MDN1: variants seen among roughly 807,000 people sequenced by gnomAD.
The protein encoded by MDN1 is midasin AAA ATPase 1.
A neutral mutation model predicts 669.2 loss-of-function variants in MDN1; 266 were observed. The ratio of observed to expected loss-of-function variants is 0.40; its 90% CI spans 0.36 to 0.44. The LOEUF (loss-of-function observed/expected upper bound fraction) is 0.44, where lower values mean the gene tolerates loss of function less well. Ranked by LOEUF, MDN1 falls within the 20% of genes least tolerant of loss-of-function variation. The pLI is 1.00. For missense variants in MDN1, 5,940 were observed against 6,754.0 expected, an observed-to-expected ratio of 0.88 and a Z score of 4.22; for synonymous variants, 2,385 against 2,457.1, an observed-to-expected ratio of 0.97 and a Z score of 0.87.
Position 89,785,027 on chromosome 6 carries a change from C to CTTATCCAGG in MDN1, c.1425_1433dup (p.Asn475_Asp477dup). The CTTATCCAGG allele has an allele frequency of 6.2e-7, 1 of 1,612,662 alleles. No individual in the cohort carries two copies. Among genetic ancestry groups the CTTATCCAGG allele is most frequent in the Non-Finnish European group, 8.5e-7 (1 of 1,178,656 alleles). ...ACCCACGTACCTCATTCAGTTCTCT[C>CTTATCCAGG]TTATCCAGGTTATCCAGGTGAATTT... On this transcript the variant is annotated inframe_insertion, in exon 9 of 102. Transcript: ENST00000369393.
intron 1 of MDN1, among the ~76,000 whole-genome samples, chr6:89,817,288 T>C (rs952255273): frequency 2.0e-5 from 3 of 152,184 alleles, no homozygotes; most frequent in African/African-American, 4.8e-5. Flanking sequence ...ATAAATCTCT[T>C]AGAATATTTT....
rs763295382 is a variant in MDN1 at position 89,719,262 on chromosome 6, AC to A, written c.5968-38del. ...AGATAATGCAATGAAAACACAAATC[AC>A]TCCACCTAATTCTTAGGCAAACTTT... On this transcript the variant is annotated intron_variant, in intron 40 of 101. Coordinates refer to ENST00000369393, the MANE Select transcript of MDN1 (RefSeq NM_014611.3). The A allele has an allele frequency of 5.2e-6, 8 of 1,538,548 alleles. No individual in the cohort carries two copies. The Admixed American group carries it at 8.4e-5, about 16-fold the overall frequency.
Position 89,674,513 on chromosome 6 carries a change from G to A in MDN1, c.12838C>T (p.Gln4280Ter). ...TCTGTCCACTGCTGCACGCCATCCTGAGGGGGGAAGGCCACGGGGTAGGCC... is the reference window on the plus strand; with the variant it reads ...TCTGTCCACTGCTGCACGCCATCCTAAGGGGGGAAGGCCACGGGGTAGGCC... ...PQAYPVAFPP[Q>*]DGVQQWTERL... Residue 4280 changes from glutamine to a stop codon, truncating the protein, a stop_gained, in exon 79 of 102, where the codon CAG becomes TAG. Coordinates refer to ENST00000369393, the MANE Select transcript of MDN1 (RefSeq NM_014611.3). LOFTEE classifies it high-confidence loss of function. 3 of 1,609,786 alleles carry A rather than the reference G, an allele frequency of 1.9e-6. No homozygotes were observed. The highest frequency in any genetic ancestry group is 2.5e-6 in the Non-Finnish European group (3 of 1,179,732).
intron 45 of MDN1, among the ~76,000 whole-genome samples, chr6:89,715,181 G>A (rs1484793686): frequency 6.6e-6 from 1 of 152,162 alleles, no homozygotes; most frequent in Non-Finnish European, 1.5e-5. Flanking sequence ...ATTCCCGGTA[G>A]ACCCTCCCCA....
At chr6:89,807,791 T>A (rs1376900228) in intron 1 of MDN1, among the ~76,000 whole-genome samples, 1 of 152,198 alleles carries the variant, frequency 6.6e-6, no homozygotes, top group East Asian at 1.9e-4. Context: ...CCTAGATAAT[T>A]TCTATTGCCG....
rs1226481193 is a variant in MDN1 at position 89,700,271 on chromosome 6, C to A, written c.8662G>T (p.Ala2888Ser). The part of the protein sequence containing the change: ...SLDELKNFVH[A>S]QCLELKAKGL... ...TTGGCTTTCAGTTCTAAACACTGAG[C>A]ATGCACAAAATTCTTCAATTCATCT... The change falls in exon 57 of 102, where the codon GCT becomes TCT. Residue 2888 changes from alanine (A) to serine (S), a missense_variant. Physicochemically the swap from Ala to Ser is moderately conservative, Grantham distance 99. Coordinates refer to ENST00000369393, the MANE Select transcript of MDN1 (RefSeq NM_014611.3). 1.2e-6 allele frequency: 2 copies of A among 1,614,094 alleles called. No individual in the cohort carries two copies. Among genetic ancestry groups the A allele is most frequent in the South Asian group, 2.2e-5 (2 of 91,084 alleles).
chr6:89,765,378 G>T (rs1020799568), intron 15 of MDN1, among the ~76,000 whole-genome samples: 1 of 152,210 alleles, frequency 6.6e-6, no homozygotes, highest in Admixed American at 6.5e-5. Context: ...GACCAACGCA[G>T]TGGACTAGAC....
At chr6:89,711,976 C>T (rs1584246426) in intron 49 of MDN1, 60 bp downstream of exon 49, 1 of 1,432,926 alleles carries the variant, frequency 7.0e-7, no homozygotes, top group Non-Finnish European at 9.6e-7. Context: ...TGCTGAGGCA[C>T]TTAAATAGCA....
intron 29 of MDN1, among the ~76,000 whole-genome samples, chr6:89,744,011 G>A (rs1754557784): frequency 6.6e-6 from 1 of 150,900 alleles, no homozygotes; most frequent in African/African-American, 2.4e-5. Context: ...GCTGAGGCAG[G>A]AGAATCACTT....
chr6:89,736,080 A>G (rs567439825), intron 33 of MDN1, among the ~76,000 whole-genome samples: 1 of 152,354 alleles, frequency 6.6e-6, no homozygotes, highest in South Asian at 2.1e-4. Flanking sequence ...TTCCTGTTTT[A>G]TATTTCACAA....
At chr6:89,807,649 T>G (rs763841285) in intron 1 of MDN1, among the ~76,000 whole-genome samples, 57 of 152,322 alleles carry the variant, frequency 3.7e-4, no homozygotes, top group Middle Eastern at 6.8e-3. Flanking sequence ...GATTATCTTT[T>G]TATATTTCTA....
Position 89,715,686 on chromosome 6 carries a change from G to A in MDN1, c.6827C>T (p.Ser2276Phe), listed in dbSNP as rs750126174. Reference protein sequence around the residue: ...TISERGMIDGSTPTITPNPNF... With the variant: ...TISERGMIDGFTPTITPNPNF... Reference sequence around the variant, plus strand: ...GGGATTTGGTGTTATCGTGGGAGTGGATCCATCTATCATTCCTCTCTCACT... The same window carrying A: ...GGGATTTGGTGTTATCGTGGGAGTGAATCCATCTATCATTCCTCTCTCACT... The change falls in exon 45 of 102, where the codon TCC becomes TTC. Residue 2276 changes from serine to phenylalanine, a missense_variant. Transcript: ENST00000369393. The A allele has an allele frequency of 5.6e-6, 9 of 1,612,446 alleles. No homozygotes were observed. Among genetic ancestry groups the A allele is most frequent in the Admixed American group, 1.7e-5 (1 of 59,982 alleles).
At chr6:89,660,072 A>G (rs533135509) in intron 88 of MDN1, among the ~76,000 whole-genome samples, 2 of 152,224 alleles carry the variant, frequency 1.3e-5, no homozygotes, top group Non-Finnish European at 2.9e-5. Context: ...TTTTTAGTAG[A>G]GACGGGGTTT....
chr6:89,700,834 A>C lies in MDN1; in HGVS notation c.8450T>G (p.Phe2817Cys). 1.9e-6 allele frequency: 3 copies of C among 1,614,118 alleles called. No homozygotes were observed. Among genetic ancestry groups the C allele is most frequent in the Non-Finnish European group, 2.5e-6 (3 of 1,180,004 alleles). Residue 2817 changes from phenylalanine to cysteine, a missense_variant, in exon 56 of 102, where the codon TTT (phenylalanine) becomes TGT (cysteine). Physicochemically the swap from Phe to Cys is radical, Grantham distance 205. Coordinates refer to ENST00000369393, the MANE Select transcript of MDN1 (RefSeq NM_014611.3). ...TTTGTTAAGGACCTTCAGTTGTGAA[A>C]AACACTCCACCACCAGCTTGTCCTG... is the stretch of plus-strand genomic sequence containing the variant. ...PFKDKLVVECFSQLKVLNKVL... is the reference protein window; with the variant it reads ...PFKDKLVVECCSQLKVLNKVL...
At chr6:89,704,721 C>T (rs1361529817) in intron 53 of MDN1, among the ~76,000 whole-genome samples, 3 of 152,162 alleles carry the variant, frequency 2.0e-5, no homozygotes, top group African/African-American at 7.2e-5. Context: ...GCTGGGACTA[C>T]AGGCGCCCGC....
intron 67 of MDN1, among the ~76,000 whole-genome samples, chr6:89,687,697 T>C (rs1562090711): frequency 1.3e-5 from 2 of 152,206 alleles, no homozygotes; most frequent in Non-Finnish European, 2.9e-5. Context: ...TGCTCTTTGC[T>C]ATCTGACCTA....
At chr6:89,726,518 T>G (rs1815252039) in intron 37 of MDN1, among the ~76,000 whole-genome samples, 1 of 144,414 alleles carries the variant, frequency 6.9e-6, no homozygotes, top group African/African-American at 2.5e-5. Flanking sequence ...GAAAAAGACA[T>G]GTAACACTAA....
chr6:89,812,998 T>C (rs1167308345), intron 1 of MDN1, among the ~76,000 whole-genome samples: 1 of 151,874 alleles, frequency 6.6e-6, no homozygotes, highest in East Asian at 1.9e-4. Context: ...TGGAGTGCAA[T>C]GGCGCGATCT....
At chr6:89,774,308 A>T (rs1284603891) in intron 13 of MDN1, among the ~76,000 whole-genome samples, 3 of 152,222 alleles carry the variant, frequency 2.0e-5, no homozygotes, top group African/African-American at 7.2e-5. Flanking sequence ...CCTTCTAGGA[A>T]TTTACAGACT....
Sources: gnomAD v4.1 joint callset for allele counts (sites outside exome capture counted in the v4.1 genomes callset) on GRCh38, gnomAD v4.1.1 for gene constraint, MANE v1.5 for transcripts, NCBI Gene and HGNC (gene_info 2026-07-23, HGNC 2026-07-21) for gene names.